TRPC7: variants seen among roughly 807,000 people sequenced by gnomAD.
TRPC7 encodes the protein short transient receptor potential channel 7.
A neutral mutation model predicts 90.1 loss-of-function variants in TRPC7; 42 were observed. The observed-to-expected ratio is 0.47, with a 90% CI of 0.36 to 0.60. The LOEUF is 0.60. Ranked by LOEUF, TRPC7 falls within the 20% of genes least tolerant of loss-of-function variation. TRPC7 has a pLI of 0.00. For synonymous variants in TRPC7, 451 were observed against 436.3 expected, an observed-to-expected ratio of 1.03 and a Z score of -0.42; for missense variants, 955 against 1,112.3, an observed-to-expected ratio of 0.86 and a Z score of 2.01.
intron 4 of TRPC7, among the ~76,000 whole-genome samples, chr5:136,271,060 C>T (rs1757195814): frequency 6.6e-6 from 1 of 152,190 alleles, no homozygotes; most frequent in South Asian, 2.1e-4. Flanking sequence ...GCCATTTCAG[C>T]TTTGGTAAGG....
intron 2 of TRPC7, among the ~76,000 whole-genome samples, chr5:136,321,139 G>A (rs1759185412): frequency 6.6e-6 from 1 of 152,102 alleles, no homozygotes; most frequent in African/African-American, 2.4e-5. Context: ...ATATAGCCAA[G>A]ATTCAAAACA....
intron 3 of TRPC7, among the ~76,000 whole-genome samples, chr5:136,306,885 C>T (rs895132995): frequency 2.2e-4 from 33 of 152,312 alleles, no homozygotes; most frequent in African/African-American, 7.7e-4. Context: ...TATCCCAAAA[C>T]CTATAAGAAC....
At chr5:136,347,245 C>T (rs1427142802) in intron 2 of TRPC7, among the ~76,000 whole-genome samples, 1 of 152,142 alleles carries the variant, frequency 6.6e-6, no homozygotes, top group Non-Finnish European at 1.5e-5. Context: ...GTTATTGCAG[C>T]ACTCAGAAAC....
At chr5:136,271,549 T>C (rs1008242908) in intron 4 of TRPC7, among the ~76,000 whole-genome samples, 7 of 152,208 alleles carry the variant, frequency 4.6e-5, no homozygotes, top group African/African-American at 1.7e-4. Context: ...CCCTTTGACA[T>C]TGGAGTCCTT....
At chr5:136,305,614 C>T (rs904689521) in intron 3 of TRPC7, among the ~76,000 whole-genome samples, 1 of 152,132 alleles carries the variant, frequency 6.6e-6, no homozygotes, top group African/African-American at 2.4e-5. Context: ...TAAGTAAAGG[C>T]CTTTCCTACA....
At chr5:136,257,423 C>G (rs1756721666) in intron 5 of TRPC7, among the ~76,000 whole-genome samples, 1 of 152,074 alleles carries the variant, frequency 6.6e-6, no homozygotes, top group African/African-American at 2.4e-5. Context: ...CCTCGTGATC[C>G]TCCCACCTCG....
chr5:136,289,602 G>C (rs552497565), intron 3 of TRPC7, among the ~76,000 whole-genome samples: 1 of 152,234 alleles, frequency 6.6e-6, no homozygotes. Flanking sequence ...GGGGAGGGGC[G>C]CCTGCCATTG....
At chr5:136,344,394 C>T (rs968398186) in intron 2 of TRPC7, among the ~76,000 whole-genome samples, 3 of 152,000 alleles carry the variant, frequency 2.0e-5, no homozygotes, top group Non-Finnish European at 4.4e-5. Context: ...TGCAATATAC[C>T]TACGTAATAA....
At chr5:136,356,555 G>A in intron 2 of TRPC7, 53 bp downstream of exon 2, 1 of 1,475,882 alleles carries the variant, frequency 6.8e-7, no homozygotes, top group Non-Finnish European at 9.0e-7. Flanking sequence ...CTGGACACAC[G>A]TGGAAGAGCC....
intron 2 of TRPC7, among the ~76,000 whole-genome samples, chr5:136,321,190 G>A (rs1031124425): frequency 2.6e-5 from 4 of 152,090 alleles, no homozygotes; most frequent in African/African-American, 7.2e-5. Flanking sequence ...CTCTCATCCT[G>A]TTGCCTCTTG....
intron 3 of TRPC7, among the ~76,000 whole-genome samples, chr5:136,289,643 G>A (rs979367348): frequency 5.3e-5 from 8 of 152,228 alleles, no homozygotes; most frequent in African/African-American, 1.7e-4. Flanking sequence ...CAAAGCGGCC[G>A]GGAAGCTCGA....
At chr5:136,318,232 G>A (rs1759089908) in intron 2 of TRPC7, among the ~76,000 whole-genome samples, 2 of 152,170 alleles carry the variant, frequency 1.3e-5, no homozygotes, top group Admixed American at 1.3e-4. Context: ...ACTCCTCACT[G>A]TAATTGGAAG....
At chr5:136,235,238 A>G (rs1448021257) in intron 7 of TRPC7, among the ~76,000 whole-genome samples, 2 of 152,256 alleles carry the variant, frequency 1.3e-5, no homozygotes, top group Non-Finnish European at 1.5e-5. Context: ...ATCAATATGA[A>G]AATGACAGAC....
chr5:136,277,968 T>C (rs1403499569), intron 3 of TRPC7, among the ~76,000 whole-genome samples: 1 of 152,218 alleles, frequency 6.6e-6, no homozygotes, highest in Admixed American at 6.5e-5. Context: ...GGAGAATCTG[T>C]GAAGGAGTTT....
Position 136,274,727 on chromosome 5 carries a change from G to C in TRPC7, c.1074C>G (p.Val358=). 6.2e-7 allele frequency: 1 copy of C among 1,613,112 alleles called. No individual in the cohort carries two copies. Among genetic ancestry groups the C allele is most frequent in the Non-Finnish European group, 8.5e-7 (1 of 1,179,636 alleles). The part of the protein sequence containing the change: ...IAVKFLAVFG[V]SIGLPFLAIA... Reference sequence around the variant, plus strand: ...TGGCGAGAAAAGGGAGGCCTATGGAGACTCCAAAGACAGCCAGGAATTTCA... The same window carrying C: ...TGGCGAGAAAAGGGAGGCCTATGGACACTCCAAAGACAGCCAGGAATTTCA... Residue 358 remains valine, a synonymous_variant, in exon 4 of 12, where the codon GTC becomes GTG. Coordinates refer to ENST00000513104, the MANE Select transcript of TRPC7 (RefSeq NM_020389.3).
chr5:136,230,897 G>C (rs916743047), intron 8 of TRPC7, among the ~76,000 whole-genome samples: 1 of 152,190 alleles, frequency 6.6e-6, no homozygotes, highest in Non-Finnish European at 1.5e-5. Context: ...TGATTGCCCT[G>C]TATGATCTCC....
chr5:136,213,416 C>A lies in TRPC7; in HGVS notation c.*19G>T. ...GGCCTTGGAATGCTGGTAGAAGTCA[C>A]AGACGCCGATGTGGGCTGCTAAATG... On this transcript the variant is annotated 3_prime_UTR_variant, in exon 12 of 12. Coordinates refer to ENST00000513104, the MANE Select transcript of TRPC7 (RefSeq NM_020389.3). 1 of 1,611,712 alleles carries A rather than the reference C, an allele frequency of 6.2e-7. No individual in the cohort carries two copies. Among genetic ancestry groups the A allele is most frequent in the Non-Finnish European group, 8.5e-7 (1 of 1,178,700 alleles).
At chr5:136,243,439 C>A (rs1180188092) in intron 7 of TRPC7, among the ~76,000 whole-genome samples, 2 of 152,076 alleles carry the variant, frequency 1.3e-5, no homozygotes, top group Non-Finnish European at 2.9e-5. Flanking sequence ...ATGCTGAGTT[C>A]TATAGACTCC....
At chr5:136,345,327 G>A (rs575643365) in intron 2 of TRPC7, among the ~76,000 whole-genome samples, 25 of 152,238 alleles carry the variant, frequency 1.6e-4, no homozygotes, top group African/African-American at 5.8e-4. Context: ...AGGCCGAGGC[G>A]GGCAGATCAC....
Sources: allele counts gnomAD v4.1 joint callset (sites outside exome capture counted in the v4.1 genomes callset), GRCh38; gene constraint gnomAD v4.1.1; transcripts MANE v1.5; gene names NCBI Gene and HGNC (gene_info 2026-07-23, HGNC 2026-07-21).